The following CDK14 variants were observed in gnomAD, a reference collection of about 807,000 sequenced individuals.
CDK14 encodes cyclin-dependent kinase 14.
A neutral mutation model predicts 60.7 loss-of-function variants in CDK14; 34 were observed. The ratio of observed to expected loss-of-function variants is 0.56; its 90% CI spans 0.43 to 0.75. The LOEUF (loss-of-function observed/expected upper bound fraction) is 0.75, where lower values mean the gene tolerates loss of function less well. Ranked by LOEUF, CDK14 falls within the 30% of genes least tolerant of loss-of-function variation. The probability of loss-of-function intolerance (pLI) is 0.00; values close to 1 mark genes in which losing one functional copy is unlikely to be tolerated. For missense variants in CDK14, 482 were observed against 564.1 expected, an observed-to-expected ratio of 0.85 and a Z score of 1.47; for synonymous variants, 197 against 203.7, an observed-to-expected ratio of 0.97 and a Z score of 0.28.
intron 9 of CDK14, among the ~76,000 whole-genome samples, chr7:90,967,132 A>G (rs1584179035): frequency 1.4e-5 from 1 of 69,248 alleles, no homozygotes; most frequent in African/African-American, 5.8e-5. Context: ...GTGGGAGGGG[A>G]GGTAGGGAGG....
intron 14 of CDK14, among the ~76,000 whole-genome samples, chr7:91,139,987 C>T (rs958735861): frequency 1.3e-5 from 2 of 152,032 alleles, no homozygotes; most frequent in Non-Finnish European, 1.5e-5. Context: ...CAGGACAACA[C>T]TGAATCAGAT....
intron 5 of CDK14, among the ~76,000 whole-genome samples, chr7:90,838,529 G>A (rs186440608): frequency 1.3e-5 from 2 of 152,290 alleles, no homozygotes; most frequent in East Asian, 3.9e-4. Flanking sequence ...CCTATAAATA[G>A]ATGTGTGAGT....
rs530703924 is a variant in CDK14 at position 90,960,388 on chromosome 7, T to TTAAC, written c.947+4574_947+4577dup. Among the ~76,000 whole-genome samples the TTAAC allele has an allele frequency of 1.6e-3, 237 of 152,220 alleles. 1 individual carries two copies. The highest frequency in any genetic ancestry group is 5.2e-3 in the African/African-American group (217 of 41,540). On this transcript the variant is annotated intron_variant, in intron 9 of 14. Coordinates refer to ENST00000380050, the MANE Select transcript of CDK14 (RefSeq NM_001287135.2). The stretch of plus-strand genomic sequence containing the variant: ...ATCTTTTAAAAAGCTAATTAACATA[T>TTAAC]TAACTATGCTTGTCAAAATGTGGGG...
intron 2 of CDK14, among the ~76,000 whole-genome samples, chr7:90,671,413 T>G (rs1234090054): frequency 6.6e-6 from 1 of 151,896 alleles, no homozygotes; most frequent in Non-Finnish European, 1.5e-5. Context: ...ATTCAGAAAA[T>G]GTTAAGATGT....
intron 2 of CDK14, among the ~76,000 whole-genome samples, chr7:90,696,427 G>A (rs954306467): frequency 8.5e-5 from 12 of 141,014 alleles, no homozygotes; most frequent in Admixed American, 3.0e-4. Flanking sequence ...TGCAACCTCC[G>A]CCTCCCGGGT....
chr7:91,125,549 CAT>C (rs1799915384), intron 14 of CDK14, among the ~76,000 whole-genome samples: 1 of 152,122 alleles, frequency 6.6e-6, no homozygotes, highest in Admixed American at 6.6e-5. Context: ...CACACACACA[CAT>C]ACACAAACAC....
intron 5 of CDK14, among the ~76,000 whole-genome samples, chr7:90,815,442 A>G (rs917256756): frequency 6.6e-6 from 1 of 152,198 alleles, no homozygotes; most frequent in African/African-American, 2.4e-5. Flanking sequence ...GGCTGTGGAG[A>G]AATAGGAACA....
At chr7:91,096,785 T>C (rs1168907469) in intron 12 of CDK14, among the ~76,000 whole-genome samples, 2 of 152,190 alleles carry the variant, frequency 1.3e-5, no homozygotes, top group African/African-American at 4.8e-5. Flanking sequence ...CACCTCACAG[T>C]ATCATGGTCA....
intron 2 of CDK14, among the ~76,000 whole-genome samples, chr7:90,689,153 A>G (rs1801503400): frequency 6.6e-6 from 1 of 152,160 alleles, no homozygotes; most frequent in Admixed American, 6.5e-5. Context: ...CTGGTGCTCA[A>G]GAATAAGCAG....
At chr7:90,646,240 G>T (rs1800464549) in intron 2 of CDK14, among the ~76,000 whole-genome samples, 1 of 151,924 alleles carries the variant, frequency 6.6e-6, no homozygotes, top group South Asian at 2.1e-4. Flanking sequence ...TTTGCATTAA[G>T]ATGGCAAGAG....
At chr7:91,114,534 G>C (rs998444512) in intron 13 of CDK14, among the ~76,000 whole-genome samples, 6 of 152,108 alleles carry the variant, frequency 3.9e-5, no homozygotes, top group African/African-American at 1.4e-4. Flanking sequence ...CCCTTTATCA[G>C]CTCACAGCAG....
chr7:91,022,121 C>T (rs1220337831), intron 10 of CDK14, among the ~76,000 whole-genome samples: 2 of 152,270 alleles, frequency 1.3e-5, no homozygotes, highest in East Asian at 1.9e-4. Context: ...CCTCCTCCAC[C>T]AGGCAGGAAA....
At chr7:90,833,510 G>A (rs542115576) in intron 5 of CDK14, among the ~76,000 whole-genome samples, 1 of 152,178 alleles carries the variant, frequency 6.6e-6, no homozygotes, top group Non-Finnish European at 1.5e-5. Context: ...AGTCTCTTGT[G>A]TCTAGTTCAA....
At chr7:90,933,449 C>T (rs73407452) in intron 8 of CDK14, among the ~76,000 whole-genome samples, 3,357 of 152,166 alleles carry the variant, frequency 0.022, 117 homozygotes, top group African/African-American at 0.076. Context: ...AGCACTTTGC[C>T]TGTAGTATCT....
chr7:91,032,698 C>T (rs1437376503), intron 10 of CDK14, among the ~76,000 whole-genome samples: 1 of 152,170 alleles, frequency 6.6e-6, no homozygotes, highest in East Asian at 1.9e-4. Flanking sequence ...GGACAAGGCC[C>T]TACTAACATC....
At chr7:90,867,505 T>G (rs1443954895) in intron 6 of CDK14, among the ~76,000 whole-genome samples, 1 of 152,214 alleles carries the variant, frequency 6.6e-6, no homozygotes, top group Admixed American at 6.5e-5. Flanking sequence ...AGCTAATAAC[T>G]GTTCTCTTTT....
intron 14 of CDK14, among the ~76,000 whole-genome samples, chr7:91,174,179 AC>A (rs1298516193): frequency 6.6e-6 from 1 of 151,472 alleles, no homozygotes; most frequent in African/African-American, 2.4e-5. Flanking sequence ...ACTGGGAGGC[AC>A]CCCCCAGCAG....
At chr7:90,646,398 G>T (rs887184262) in intron 2 of CDK14, among the ~76,000 whole-genome samples, 3 of 151,700 alleles carry the variant, frequency 2.0e-5, no homozygotes, top group Non-Finnish European at 1.5e-5. Context: ...TTCCTTTGAT[G>T]GACTGCTTGC....
chr7:90,910,989 T>G (rs985277145), intron 7 of CDK14, among the ~76,000 whole-genome samples: 3 of 152,176 alleles, frequency 2.0e-5, no homozygotes, highest in Non-Finnish European at 4.4e-5. Flanking sequence ...TGTGCCCATG[T>G]GTTCTCATCA....
Sources: gnomAD v4.1 joint callset for allele counts (sites outside exome capture counted in the v4.1 genomes callset) on GRCh38, gnomAD v4.1.1 for gene constraint, MANE v1.5 for transcripts, NCBI Gene and HGNC (gene_info 2026-07-23, HGNC 2026-07-21) for gene names.